The following RHOH variants were observed in gnomAD, a reference collection of about 807,000 sequenced individuals.
RHOH encodes the protein rho-related GTP-binding protein RhoH.
RHOH carries 6 observed loss-of-function variants against 13.8 expected under a neutral mutation model. The ratio of observed to expected loss-of-function variants is 0.44; its 90% CI spans 0.24 to 0.86. RHOH has a LOEUF of 0.86. Among genes scored for constraint, RHOH ranks in the 40% least tolerant of loss-of-function variants. The pLI is 0.24. For synonymous variants in RHOH, 117 were observed against 103.0 expected (o/e 1.14, Z -0.82); for missense variants, 147 against 244.5 (o/e 0.60, Z 2.66).
In RHOH at chr4:40,237,257, A is replaced by G. The variant is rs565899448; in HGVS notation, c.-330-5457A>G. Among the ~76,000 whole-genome samples, 4 of 152,266 alleles carry G rather than the reference A, an allele frequency of 2.6e-5. No individual in the cohort carries two copies. In the East Asian group the frequency reaches 7.7e-4, roughly 29 times the overall value. On this transcript the variant is annotated intron_variant, in intron 1 of 2. Coordinates refer to ENST00000381799, the MANE Select transcript of RHOH (RefSeq NM_004310.5). ...CACCTGAGGTCAGGCGTTCAAGACC[A>G]TCCTGGCCAACATGGCAAAACCCCT...
chr4:40,200,394 G>A (rs1387437481), intron 1 of RHOH: 3 of 152,088 alleles, frequency 2.0e-5, no homozygotes. Context: ...ACCACCTGGG[G>A]AGCTTTTAAG....
intron 1 of RHOH, among the ~76,000 whole-genome samples, chr4:40,220,998 A>T (rs1468107103): frequency 6.6e-6 from 1 of 152,282 alleles, no homozygotes. Flanking sequence ...ATATTTCAAA[A>T]GAAGATTGAA....
intron 1 of RHOH, among the ~76,000 whole-genome samples, chr4:40,199,309 A>G (rs915698560): frequency 6.6e-6 from 1 of 152,208 alleles, no homozygotes. Flanking sequence ...AGGTGTTATG[A>G]GCCCTGGCTT....
chr4:40,242,380 C>T (rs1729360404), intron 1 of RHOH, among the ~76,000 whole-genome samples: 4 of 152,196 alleles, frequency 2.6e-5, no homozygotes, highest in African/African-American at 4.8e-5. Flanking sequence ...ATAACTTAAT[C>T]CTCACAGCAT....
At chr4:40,204,796 G>A (rs1457403376) in intron 1 of RHOH, among the ~76,000 whole-genome samples, 1 of 152,190 alleles carries the variant, frequency 6.6e-6, no homozygotes, top group Non-Finnish European at 1.5e-5. Flanking sequence ...AAAATGAGTA[G>A]CATGTGGGGC....
chr4:40,243,176 A>T lies in RHOH; in HGVS notation c.-209-2A>T. 1 of 454,880 alleles carries T rather than the reference A, an allele frequency of 2.2e-6. No individual in the cohort carries two copies. The highest frequency in any genetic ancestry group is 3.9e-6 in the Non-Finnish European group (1 of 253,750). The allele number at this position is 454,880 out of a possible 1,614,324, so 28.2% of individuals were successfully genotyped here. On this transcript the variant is annotated splice_acceptor_variant, in intron 2 of 2. Transcript: ENST00000381799. LOFTEE classifies it low-confidence loss of function (5UTR_SPLICE). This position sits in a 1 kb window ranked among gnomAD's most constrained non-coding sequence, Gnocchi z 6.2. ...ATTTTCCCCCTTCTCTTTCTGTTCCAGTTGAAGACTAGGCTTTGGAGGTTT... is the reference window on the plus strand; with the variant it reads ...ATTTTCCCCCTTCTCTTTCTGTTCCTGTTGAAGACTAGGCTTTGGAGGTTT...
chr4:40,238,108 G>A (rs575517561), intron 1 of RHOH, among the ~76,000 whole-genome samples: 2 of 152,232 alleles, frequency 1.3e-5, no homozygotes, highest in African/African-American at 4.8e-5. Flanking sequence ...GAGAAGACGA[G>A]CCATTTCATC....
At chr4:40,237,900 T>C (rs1031813748) in intron 1 of RHOH, among the ~76,000 whole-genome samples, 7 of 152,248 alleles carry the variant, frequency 4.6e-5, no homozygotes, top group African/African-American at 1.7e-4. Context: ...ATAATAGTCA[T>C]AATTTCACTT....
intron 1 of RHOH, among the ~76,000 whole-genome samples, chr4:40,213,245 C>T (rs1725475785): frequency 6.6e-6 from 1 of 152,022 alleles, no homozygotes; most frequent in Non-Finnish European, 1.5e-5. Flanking sequence ...CACAGTTTAC[C>T]CATGGGTAGC....
At chr4:40,194,032 A>G (rs1242358948), upstream of RHOH, among the ~76,000 whole-genome samples, 1 of 152,178 alleles carries the variant, frequency 6.6e-6, no homozygotes, top group African/African-American at 2.4e-5. Flanking sequence ...CTGTCCATAC[A>G]GGCAGCTGTC....
At chr4:40,210,329 G>T (rs574726048) in intron 1 of RHOH, among the ~76,000 whole-genome samples, 1 of 152,148 alleles carries the variant, frequency 6.6e-6, no homozygotes, top group East Asian at 1.9e-4. Context: ...TGCGTTTCCG[G>T]CCCTGGGCCA....
chr4:40,199,461 T>C (rs141222556), intron 1 of RHOH, among the ~76,000 whole-genome samples: 172 of 152,274 alleles, frequency 1.1e-3, no homozygotes, highest in South Asian at 0.011. Context: ...GTTTTTCTAG[T>C]GAGAATACAT....
At chr4:40,231,657 A>C (rs1217378985) in intron 1 of RHOH, among the ~76,000 whole-genome samples, 5 of 152,298 alleles carry the variant, frequency 3.3e-5, no homozygotes, top group Admixed American at 1.3e-4. Flanking sequence ...CCTGCGTGTC[A>C]GTTCCGCCTC....
chr4:40,228,566 G>A (rs111361405), intron 1 of RHOH, among the ~76,000 whole-genome samples: 3 of 152,210 alleles, frequency 2.0e-5, no homozygotes, highest in African/African-American at 7.2e-5. Flanking sequence ...TCTGGGGTTG[G>A]GGATGGGGGG....
intron 1 of RHOH, among the ~76,000 whole-genome samples, chr4:40,229,726 G>C (rs912079240): frequency 6.6e-6 from 1 of 151,644 alleles, no homozygotes; most frequent in Non-Finnish European, 1.5e-5. Flanking sequence ...CCAAAGAGGA[G>C]AGAATAGGCT....
At chr4:40,192,438 A>C (rs183748321), upstream of RHOH, among the ~76,000 whole-genome samples, 4 of 152,338 alleles carry the variant, frequency 2.6e-5, no homozygotes, top group East Asian at 3.9e-4. Context: ...TAGATGACTC[A>C]AGTCTCAAGG....
chr4:40,200,786 T>C (rs1185823354), intron 1 of RHOH, among the ~76,000 whole-genome samples: 1 of 152,242 alleles, frequency 6.6e-6, no homozygotes, highest in Non-Finnish European at 1.5e-5. Context: ...CAAAGTGTTG[T>C]ATACATGTAG....
In RHOH at chr4:40,228,107, G is replaced by A. The variant is rs558716691; in HGVS notation, c.-330-14607G>A. Among the ~76,000 whole-genome samples the A allele has an allele frequency of 2.6e-5, 4 of 152,184 alleles. No homozygotes were observed. In the East Asian group the frequency reaches 5.8e-4, roughly 22 times the overall value. Reference sequence around the variant, plus strand: ...GTAGGCAATTGGTTAAATAAATGATGCTATATTTACATAATGAAATTTTAT... The same window carrying A: ...GTAGGCAATTGGTTAAATAAATGATACTATATTTACATAATGAAATTTTAT... On this transcript the variant is annotated intron_variant, in intron 1 of 2. Coordinates refer to ENST00000381799, the MANE Select transcript of RHOH (RefSeq NM_004310.5).
rs368245892 is a variant in RHOH at position 40,243,994 on chromosome 4, T to C, written c.*32T>C. ...AGAGACTTCACACAACACTTATGTA[T>C]GCACCCCAAAGACTAATGGGGAGAG... On this transcript the variant is annotated 3_prime_UTR_variant, in exon 3 of 3. Coordinates refer to ENST00000381799, the MANE Select transcript of RHOH (RefSeq NM_004310.5). This position sits in a 1 kb window ranked among gnomAD's most constrained non-coding sequence, Gnocchi z 6.2. 5.2e-6 allele frequency: 8 copies of C among 1,550,752 alleles called. No homozygotes were observed. In the African/African-American group the frequency reaches 1.1e-4, roughly 21 times the overall value.
Sources: allele counts gnomAD v4.1 joint callset (sites outside exome capture counted in the v4.1 genomes callset), GRCh38; gene constraint gnomAD v4.1.1; non-coding constraint Gnocchi (gnomAD v3.1); transcripts MANE v1.5; gene names NCBI Gene and HGNC (gene_info 2026-07-23, HGNC 2026-07-21).